Variants in GPR108 observed in about 807,000 individuals in gnomAD.
The protein encoded by GPR108 is G protein-coupled receptor 108.
Under a neutral mutation model 74.3 loss-of-function variants are expected in GPR108, and 60 were observed. The ratio of observed to expected loss-of-function variants is 0.81; its 90% confidence interval spans 0.66 to 1.00. GPR108 has a LOEUF of 1.00. GPR108 is among the 50% of genes least tolerant of loss of function. The pLI, the probability that GPR108 is intolerant of heterozygous loss-of-function variation, is 0.00. For synonymous variants in GPR108, 311 were observed against 292.4 expected, an observed-to-expected ratio of 1.06 and a Z score of -0.65; for missense variants, 667 against 703.3, an observed-to-expected ratio of 0.95 and a Z score of 0.58.
chr19:6,736,637 G>A lies in GPR108; in HGVS notation c.195C>T (p.Ser65=), dbSNP rs752419569. The part of the protein sequence containing the change: ...YTNGSLEVEL[S]VLRLGLREAE... Reference sequence around the variant, plus strand: ...CCTCCCGGAGGCCCAGCCGCAGGACGCTCAACTCCACCTCCAGAGAGCCAT... The same window carrying A: ...CCTCCCGGAGGCCCAGCCGCAGGACACTCAACTCCACCTCCAGAGAGCCAT... Residue 65 remains serine (S), a synonymous_variant, in exon 2 of 18, where the codon AGC becomes AGT. Coordinates refer to ENST00000264080, the MANE Select transcript of GPR108 (RefSeq NM_001080452.2). 4 of 1,613,942 alleles carry A rather than the reference G, an allele frequency of 2.5e-6. No individual in the cohort carries two copies. In the East Asian group the frequency reaches 6.7e-5, roughly 27 times the overall value.
chr19:6,735,994 G>A, intron 2 of GPR108, 36 bp from the exon 3 acceptor site: 1 of 1,570,506 alleles, frequency 6.4e-7, no homozygotes, highest in Non-Finnish European at 8.7e-7. Context: ...GGGTGTGAGG[G>A]ACAGTAGAGA....
intron 8 of GPR108, 75 bp downstream of exon 8, chr19:6,733,495 C>A: frequency 6.8e-7 from 1 of 1,476,870 alleles, no homozygotes. Flanking sequence ...AAAAGCTAAG[C>A]GGGGTGAGGC....
intron 17 of GPR108, 146 bp downstream of exon 17, chr19:6,730,841 T>G: frequency 3.1e-5 from 27 of 864,582 alleles, no homozygotes; most frequent in Non-Finnish European, 4.3e-5. Flanking sequence ...CCATCTCCCC[T>G]CCATCCCTTC....
Position 6,732,170 on chromosome 19 carries a change from G to A in GPR108, c.1126-15C>T. ...TTGGCCAGGACCTGCGCAGGCGGCG[G>A]GGGTGGGTGGGCACTGCCTGGCACG... On this transcript the variant is annotated splice_polypyrimidine_tract_variant and intron_variant, in intron 12 of 17. Transcript: ENST00000264080. 6.2e-7 allele frequency: 1 copy of A among 1,613,200 alleles called. No homozygotes were observed. The highest frequency in any genetic ancestry group is 8.5e-7 in the Non-Finnish European group (1 of 1,179,932).
chr19:6,730,594 C>T, intron 17 of GPR108: 1 of 587,978 alleles, frequency 1.7e-6, no homozygotes. Context: ...AGGCCCCGCC[C>T]CCAGCAGCCC....
In GPR108 at chr19:6,734,774, C is replaced by G. The variant is rs543873377; in HGVS notation, c.375-467G>C. Among the ~76,000 whole-genome samples the G allele has an allele frequency of 5.8e-3, 888 of 151,948 alleles. 6 individuals carry two copies. Among genetic ancestry groups the G allele is most frequent in the Middle Eastern group, 0.027 (8 of 294 alleles). ...CAGGCTGGTCTTGAACTCCTGGCTT[C>G]AAGTGATCCTCCTGGCTCAGCCAGT... On this transcript the variant is annotated intron_variant, in intron 4 of 17. Transcript: ENST00000264080.
chr19:6,732,614 G>A (rs2145474485), intron 10 of GPR108, 65 bp from the exon 11 acceptor site: 2 of 1,242,402 alleles, frequency 1.6e-6, no homozygotes, highest in Non-Finnish European at 2.3e-6. Flanking sequence ...TGGTGGTGGT[G>A]GGGGATTAGG....
chr19:6,733,787 G>T, intron 7 of GPR108, 58 bp downstream of exon 7: 1 of 1,599,626 alleles, frequency 6.3e-7, no homozygotes, highest in Non-Finnish European at 8.6e-7. Flanking sequence ...GGAGGGCTCA[G>T]CTTGGGGGTC....
Position 6,730,986 on chromosome 19 carries a change from C to G in GPR108, c.1559+1G>C, listed in dbSNP as rs1968373558. 3 of 1,609,840 alleles carry G rather than the reference C, an allele frequency of 1.9e-6. No homozygotes were observed. The highest frequency in any genetic ancestry group is 2.5e-6 in the Non-Finnish European group (3 of 1,177,558). On this transcript the variant is annotated splice_donor_variant, in intron 17 of 17. Coordinates refer to ENST00000264080, the MANE Select transcript of GPR108 (RefSeq NM_001080452.2). LOFTEE classifies it high-confidence loss of function. ...GGCCCTGCCCATGGTGCCCAGCTCA[C>G]ACTTGCTCCATCTGAACATCCTCCT...
chr19:6,730,555 C>T (rs1230947168), intron 17 of GPR108, 171 bp from the exon 18 acceptor site: 5 of 635,978 alleles, frequency 7.9e-6, no homozygotes, highest in East Asian at 2.7e-5. Flanking sequence ...CACAGCAGCG[C>T]AGGCCCTACC....
chr19:6,731,460 G>T lies in GPR108; in HGVS notation c.1350+13C>A. 6.5e-7 allele frequency: 1 copy of T among 1,534,486 alleles called. No individual in the cohort carries two copies. Among genetic ancestry groups the T allele is most frequent in the Non-Finnish European group, 8.8e-7 (1 of 1,142,340 alleles). Reference sequence around the variant, plus strand: ...ATCCCCCCAAACCCGCTGTGAGTGAGGCGGGCTCCTACCATGACATAGTAA... The same window carrying T: ...ATCCCCCCAAACCCGCTGTGAGTGATGCGGGCTCCTACCATGACATAGTAA... On this transcript the variant is annotated intron_variant, in intron 15 of 17. Coordinates refer to ENST00000264080, the MANE Select transcript of GPR108 (RefSeq NM_001080452.2).
In GPR108 at chr19:6,731,811, G is replaced by T. The variant is rs1599539862; in HGVS notation, c.1300+80C>A. 4 of 1,520,524 alleles carry T rather than the reference G, an allele frequency of 2.6e-6. No individual in the cohort carries two copies. The South Asian group carries it at 3.5e-5, about 13-fold the overall frequency. The allele number at this position is 1,520,524 out of a possible 1,614,324, so 94.2% of individuals were successfully genotyped here. Reference sequence around the variant, plus strand: ...TGGGGGCTGGGCAGAGAGGCCAGGAGGGGCATCCAAGGGGCAGAAAGAAGG... The same window carrying T: ...TGGGGGCTGGGCAGAGAGGCCAGGATGGGCATCCAAGGGGCAGAAAGAAGG... On this transcript the variant is annotated intron_variant, in intron 14 of 17. Coordinates refer to ENST00000264080, the MANE Select transcript of GPR108 (RefSeq NM_001080452.2).
chr19:6,733,128 G>A, intron 9 of GPR108, 40 bp downstream of exon 9: 1 of 1,613,662 alleles, frequency 6.2e-7, no homozygotes. Context: ...TGGGGGTCTG[G>A]TGAAGGGACG....
chr19:6,731,381 C>A, intron 15 of GPR108, 92 bp downstream of exon 15: 1 of 1,484,558 alleles, frequency 6.7e-7, no homozygotes, highest in Non-Finnish European at 9.0e-7. Context: ...TGGATGGGGG[C>A]CTCGGGATGG....
chr19:6,736,797 G>A, intron 1 of GPR108, 86 bp from the exon 2 acceptor site: 2 of 1,586,156 alleles, frequency 1.3e-6, no homozygotes, highest in Non-Finnish European at 1.7e-6. Context: ...CCTCCAGAAG[G>A]GCCTCCTGGT....
At chr19:6,736,557 T>C in intron 2 of GPR108, 35 bp downstream of exon 2, 2 of 1,598,086 alleles carry the variant, frequency 1.3e-6, no homozygotes, top group Non-Finnish European at 1.7e-6. Flanking sequence ...GATTGCACCG[T>C]GCTCTCCTCC....
chr19:6,733,183 ATGG>A lies in GPR108; in HGVS notation c.839_841del (p.Ser280_Ile281delinsPhe). 1 of 1,614,052 alleles carries A rather than the reference ATGG, an allele frequency of 6.2e-7. No homozygotes were observed. The highest frequency in any genetic ancestry group is 8.5e-7 in the Non-Finnish European group (1 of 1,180,012). On this transcript the variant is annotated inframe_deletion, in exon 9 of 18. Coordinates refer to ENST00000264080, the MANE Select transcript of GPR108 (RefSeq NM_001080452.2). ...GGGGCATTACGTGTTCCTGCAGAGG[ATGG>A]ACACCCAGAAGATGCCAGCGGCCAG...
rs202212355 is a variant in GPR108, at chr19:6,731,878, C to A, written c.1300+13G>T. On this transcript the variant is annotated intron_variant, in intron 14 of 17. Coordinates refer to ENST00000264080, the MANE Select transcript of GPR108 (RefSeq NM_001080452.2). ...GGGCCATGAGCAGAGGGCCTGCAGG[C>A]GCAGGGCCTCACCCTTCCCGTCTGT... 4 of 1,611,070 alleles carry A rather than the reference C, an allele frequency of 2.5e-6. No individual in the cohort carries two copies. In the African/African-American group the frequency reaches 5.3e-5, roughly 22 times the overall value.
At chr19:6,736,962 G>A (rs1968662746) in intron 1 of GPR108, 2 of 516,586 alleles carry the variant, frequency 3.9e-6, no homozygotes, top group Non-Finnish European at 3.5e-6. Flanking sequence ...CCACTGGGGT[G>A]AGCACCGCCC....
Sources: gnomAD v4.1 joint callset for allele counts (sites outside exome capture counted in the v4.1 genomes callset) on GRCh38, gnomAD v4.1.1 for gene constraint, MANE v1.5 for transcripts, NCBI Gene and HGNC (gene_info 2026-07-23, HGNC 2026-07-21) for gene names.